CASP1: variants seen among roughly 807,000 people sequenced by gnomAD.
The protein encoded by CASP1 is caspase-1.
Under a neutral mutation model 41.2 loss-of-function variants are expected in CASP1, and 31 were observed. The observed-to-expected ratio is 0.75, with a 90% confidence interval of 0.57 to 1.02. The LOEUF is 1.02. CASP1 is among the 50% of genes least tolerant of loss of function. CASP1 has a pLI of 0.00. For synonymous variants in CASP1, 163 were observed against 166.5 expected (o/e 0.98, Z 0.16); for missense variants, 490 against 495.7 (o/e 0.99, Z 0.11).
At position 105,031,189 on chromosome 11, in the gene CASP1, C is replaced by T. The variant is rs149065878; in HGVS notation, c.429G>A (p.Arg143=). 7,078 of 1,611,706 alleles carry T rather than the reference C, an allele frequency of 4.4e-3. 36 individuals are homozygous for T. The highest frequency in any genetic ancestry group is 4.8e-3 in the Non-Finnish European group (5,685 of 1,178,176). The change falls in exon 4 of 9, where the codon AGG becomes AGA. Residue 143 remains arginine (R), a synonymous_variant. Transcript: ENST00000533400. ...CCTCTGCCGACTTTTGTTTCCATAT[C>T]CTTTGAGCTTCTTCTAGGGAGCAAA... is the stretch of plus-strand genomic sequence containing the variant. ...VKLCSLEEAQ[R]IWKQKSAEIY... is the part of the protein sequence containing the mutation.
At position 105,025,964 on chromosome 11, in the gene CASP1, C is replaced by A. The variant is rs1863251895; in HGVS notation, c.*294G>T. The A allele has an allele frequency of 7.3e-6, 2 of 275,550 alleles. No homozygotes were observed. Among genetic ancestry groups the A allele is most frequent in the Non-Finnish European group, 1.4e-5 (2 of 145,114 alleles). 17.1% of individuals were successfully genotyped at this position (275,550 alleles called of 1,614,324 possible). A position where few individuals can be genotyped will look rare whatever the true frequency, so the allele number is the denominator to read the frequency against. ...ATGCTACCAGAAGTATTTCAAATTT[C>A]AGATATTTTTGTATATTGGAATTCA... On this transcript the variant is annotated 3_prime_UTR_variant, in exon 9 of 9. Transcript: ENST00000533400.
chr11:105,033,835 T>G, intron 2 of CASP1: 1 of 553,152 alleles, frequency 1.8e-6, no homozygotes, highest in Non-Finnish European at 3.4e-6. Context: ...TCATGTGACT[T>G]TACAACTACA....
upstream of CASP1, among the ~76,000 whole-genome samples, chr11:105,036,270 G>A (rs1864014815): frequency 6.6e-6 from 1 of 152,156 alleles, no homozygotes; most frequent in Non-Finnish European, 1.5e-5. Flanking sequence ...TCCTCAAGCA[G>A]TGCATCTAGT....
At chr11:105,032,152 G>T (rs1397414395) in intron 3 of CASP1, among the ~76,000 whole-genome samples, 1 of 152,126 alleles carries the variant, frequency 6.6e-6, no homozygotes, top group Non-Finnish European at 1.5e-5. Context: ...TTGAAAAATT[G>T]TTATACAATC....
intron 4 of CASP1, 35 bp downstream of exon 4, chr11:105,031,129 TC>T (rs1863665749): frequency 1.6e-6 from 2 of 1,223,756 alleles, no homozygotes; most frequent in East Asian, 4.7e-5. Flanking sequence ...AGTGTTTCTT[TC>T]ACCCCACTCT....
rs141207934 is a variant in CASP1, at chr11:105,026,973, A to C, written c.1007-22T>G. The stretch of plus-strand genomic sequence containing the variant: ...TTATCTATGGATAAAGCACATTTCA[A>C]ATCTCAAGACTGGCTCTTGCCTGAA... On this transcript the variant is annotated intron_variant, in intron 7 of 8. Transcript: ENST00000533400. The C allele has an allele frequency of 5.6e-4, 728 of 1,299,730 alleles. 5 individuals carry two copies. In the African/African-American group the frequency reaches 9.1e-3, roughly 16 times the overall value. 80.5% of individuals were successfully genotyped at this position (1,299,730 alleles called of 1,614,324 possible).
chr11:105,034,379 G>T lies in CASP1; in HGVS notation c.103C>A (p.Leu35Met). ...LLDELLQTRV[L>M]NKEEMEKVKR... ...ACTTTCTCCATCTCTTCCTTGTTCA[G>T]CACCCTTGTCTGTAATAATTCATCC... Residue 35 changes from leucine (L) to methionine (M), a missense_variant, in exon 2 of 9, where the codon CTG becomes ATG. Coordinates refer to ENST00000533400, the MANE Select transcript of CASP1 (RefSeq NM_001257118.3). The T allele has an allele frequency of 6.2e-7, 1 of 1,614,102 alleles. No individual in the cohort carries two copies. The highest frequency in any genetic ancestry group is 8.5e-7 in the Non-Finnish European group (1 of 1,179,992).
chr11:105,032,999 C>G (rs1267973871), intron 3 of CASP1, 65 bp downstream of exon 3: 3 of 986,632 alleles, frequency 3.0e-6, no homozygotes, highest in Non-Finnish European at 3.2e-6. Context: ...CACGTTTGAT[C>G]CTACAAAATT....
chr11:105,032,020 A>G (rs980903726), intron 3 of CASP1, among the ~76,000 whole-genome samples: 1 of 152,232 alleles, frequency 6.6e-6, no homozygotes, highest in Non-Finnish European at 1.5e-5. Context: ...CAACAATGTG[A>G]TGTCCTTGTT....
At position 105,031,164 on chromosome 11, in the gene CASP1, C is replaced by T; in HGVS notation, c.453+1G>A. ...CTATCCTTGGGTTCTGAGCATGGCA[C>T]CTCTGCCGACTTTTGTTTCCATATC... is the stretch of plus-strand genomic sequence containing the variant. On this transcript the variant is annotated splice_donor_variant, in intron 4 of 8. Coordinates refer to ENST00000533400, the MANE Select transcript of CASP1 (RefSeq NM_001257118.3). LOFTEE classifies it high-confidence loss of function. 2 of 1,582,034 alleles carry T rather than the reference C, an allele frequency of 1.3e-6. No individual in the cohort carries two copies. Among genetic ancestry groups the T allele is most frequent in the Non-Finnish European group, 1.7e-6 (2 of 1,151,244 alleles).
intron 1 of CASP1, chr11:105,034,724 C>T (rs1863917592): frequency 6.2e-6 from 4 of 649,708 alleles, no homozygotes; most frequent in Non-Finnish European, 1.0e-5. Context: ...AGATCATCCT[C>T]TTATGTCGCA....
At chr11:105,028,785 A>G (rs561575339) in intron 7 of CASP1, among the ~76,000 whole-genome samples, 1 of 152,202 alleles carries the variant, frequency 6.6e-6, no homozygotes, top group Non-Finnish European at 1.5e-5. Flanking sequence ...TCCTATAAAT[A>G]TTTGATGTCT....
chr11:105,028,410 T>A (rs1863455756), intron 7 of CASP1, among the ~76,000 whole-genome samples: 1 of 152,126 alleles, frequency 6.6e-6, no homozygotes, highest in African/African-American at 2.4e-5. Flanking sequence ...AGTAACTGAA[T>A]TAAGTTATCA....
chr11:105,034,590 G>T, intron 1 of CASP1, 116 bp from the exon 2 acceptor site: 1 of 1,509,768 alleles, frequency 6.6e-7, no homozygotes, highest in Non-Finnish European at 9.0e-7. Context: ...CCTCCTCACA[G>T]TTGGGTAATC....
intron 7 of CASP1, 54 bp from the exon 8 acceptor site, chr11:105,027,005 GA>G (rs1863347333): frequency 2.0e-6 from 2 of 986,310 alleles, no homozygotes; most frequent in Admixed American, 3.4e-5. Flanking sequence ...TGAAGAAAGA[GA>G]AGAAACCCTA....
At chr11:105,036,510 G>GT (rs1384340813), upstream of CASP1, among the ~76,000 whole-genome samples, 2 of 152,028 alleles carry the variant, frequency 1.3e-5, no homozygotes, top group East Asian at 1.9e-4. Flanking sequence ...CATGGGTGCT[G>GT]TTTTTTTTCC....
chr11:105,035,086 T>A (rs917282465), intron 1 of CASP1, 21 bp downstream of exon 1: 11 of 1,612,978 alleles, frequency 6.8e-6, no homozygotes, highest in Non-Finnish European at 8.5e-6. Context: ...GGACCTGTTC[T>A]TGGAACAGTA....
upstream of CASP1, among the ~76,000 whole-genome samples, chr11:105,036,005 C>A (rs1864003990): frequency 1.3e-5 from 2 of 152,054 alleles, no homozygotes; most frequent in African/African-American, 4.8e-5. Context: ...TTTAAACTTC[C>A]CTTCCTTGGC....
Position 105,026,967 on chromosome 11 carries a change from A to G in CASP1, c.1007-16T>C, listed in dbSNP as rs375775232. The G allele has an allele frequency of 7.6e-5, 103 of 1,361,818 alleles. No individual in the cohort carries two copies. The highest frequency in any genetic ancestry group is 1.0e-4 in the Non-Finnish European group (99 of 950,296). 84.4% of individuals were successfully genotyped at this position (1,361,818 alleles called of 1,614,324 possible). ...GAAACATTATCTATGGATAAAGCAC[A>G]TTTCAAATCTCAAGACTGGCTCTTG... On this transcript the variant is annotated splice_polypyrimidine_tract_variant and intron_variant, in intron 7 of 8. Coordinates refer to ENST00000533400, the MANE Select transcript of CASP1 (RefSeq NM_001257118.3).
Sources: allele counts gnomAD v4.1 joint callset (sites outside exome capture counted in the v4.1 genomes callset), GRCh38; gene constraint gnomAD v4.1.1; transcripts MANE v1.5; gene names NCBI Gene and HGNC (gene_info 2026-07-23, HGNC 2026-07-21).